Variants in SIPA1L1 observed in about 807,000 individuals in gnomAD.
SIPA1L1 encodes signal-induced proliferation-associated 1-like protein 1.
In SIPA1L1, 26 loss-of-function variants were observed where a neutral mutation model predicts 162.7. The observed-to-expected ratio is 0.16, with a 90% CI of 0.12 to 0.22. SIPA1L1 has a LOEUF of 0.22. Among genes scored for constraint, SIPA1L1 ranks in the 10% least tolerant of loss-of-function variants. The pLI is 1.00. For missense variants in SIPA1L1, 1,874 were observed against 2,241.0 expected (o/e 0.84, Z 3.31); for synonymous variants, 829 against 837.4 (o/e 0.99, Z 0.17).
intron 1 of SIPA1L1, 67 bp downstream of exon 1, chr14:71,320,570 CG>C (rs1212381760): frequency 2.6e-5 from 4 of 152,586 alleles, no homozygotes; most frequent in Non-Finnish European, 4.4e-5. Flanking sequence ...CCCCAGAGGC[CG>C]CCCCCGCAGC....
chr14:71,557,520 T>C (rs1052387738), intron 4 of SIPA1L1, among the ~76,000 whole-genome samples: 32 of 152,216 alleles, frequency 2.1e-4, no homozygotes, highest in Non-Finnish European at 3.4e-4. Flanking sequence ...CTTGCACTAA[T>C]TGTTAACTTT....
At chr14:71,539,913 C>G (rs967766764) in intron 4 of SIPA1L1, among the ~76,000 whole-genome samples, 4 of 152,112 alleles carry the variant, frequency 2.6e-5, no homozygotes, top group Non-Finnish European at 4.4e-5. Context: ...TCAGCAACAC[C>G]CTAAGGGTGA....
At chr14:71,415,798 A>C (rs2042717851) in intron 2 of SIPA1L1, among the ~76,000 whole-genome samples, 1 of 152,086 alleles carries the variant, frequency 6.6e-6, no homozygotes, top group African/African-American at 2.4e-5. Flanking sequence ...CCCAGGTTCA[A>C]GCGATTCTCC....
At chr14:71,695,037 C>T (rs1272748754) in intron 13 of SIPA1L1, among the ~76,000 whole-genome samples, 5 of 152,298 alleles carry the variant, frequency 3.3e-5, no homozygotes, top group African/African-American at 7.2e-5. Flanking sequence ...CTTCCAATAA[C>T]GATCAGCCTC....
intron 4 of SIPA1L1, among the ~76,000 whole-genome samples, chr14:71,563,984 C>T (rs1052726043): frequency 6.6e-6 from 1 of 152,160 alleles, no homozygotes; most frequent in Admixed American, 6.5e-5. Context: ...TGGAGTCTCA[C>T]TCTGTTAGGC....
At chr14:71,670,945 G>C (rs1166135208) in intron 10 of SIPA1L1, among the ~76,000 whole-genome samples, 174 bp from the exon 11 acceptor site, 1 of 152,080 alleles carries the variant, frequency 6.6e-6, no homozygotes, top group African/African-American at 2.4e-5. Flanking sequence ...TCCTAAATGC[G>C]GTAGAATGAA....
At chr14:71,460,654 G>A (rs1373464381) in intron 2 of SIPA1L1, among the ~76,000 whole-genome samples, 3 of 152,154 alleles carry the variant, frequency 2.0e-5, no homozygotes, top group Non-Finnish European at 4.4e-5. Flanking sequence ...TAAGACCCCT[G>A]TGCCAGCAGA....
At chr14:71,684,706 T>G (rs1291961726) in intron 12 of SIPA1L1, among the ~76,000 whole-genome samples, 1 of 149,812 alleles carries the variant, frequency 6.7e-6, no homozygotes, top group Non-Finnish European at 1.5e-5. Flanking sequence ...GTGGCAAGTG[T>G]GTGAAGCTGC....
chr14:71,396,026 C>T (rs910367785), intron 2 of SIPA1L1, among the ~76,000 whole-genome samples: 10 of 152,038 alleles, frequency 6.6e-5, no homozygotes, highest in African/African-American at 1.9e-4. Flanking sequence ...GTCCTGTGCT[C>T]CTTAGAGAAG....
intron 2 of SIPA1L1, among the ~76,000 whole-genome samples, chr14:71,411,716 T>G (rs1291011589): frequency 6.6e-6 from 1 of 152,226 alleles, no homozygotes; most frequent in East Asian, 1.9e-4. Context: ...TTCTGGTGCT[T>G]TGGGGTACGA....
chr14:71,361,389 C>T (rs1044217934), intron 2 of SIPA1L1, among the ~76,000 whole-genome samples: 14 of 152,082 alleles, frequency 9.2e-5, no homozygotes, highest in Non-Finnish European at 1.3e-4. Flanking sequence ...TCATGATATG[C>T]TTAGTGCTTC....
rs2049158970 is a variant in SIPA1L1 at position 71,490,546 on chromosome 14, G to T, written c.-464-22197G>T. Among the ~76,000 whole-genome samples the T allele has an allele frequency of 2.0e-5, 3 of 152,166 alleles. No individual in the cohort carries two copies. The South Asian group carries it at 6.2e-4, about 32-fold the overall frequency. On this transcript the variant is annotated intron_variant, in intron 2 of 23. Transcript: ENST00000381232. ...TAAACTTGTATTTTATTTATAAGAG[G>T]ATGTATTGTCCATGTTATTATAATA...
chr14:71,354,955 G>A (rs2037097495), intron 2 of SIPA1L1, among the ~76,000 whole-genome samples: 1 of 152,118 alleles, frequency 6.6e-6, no homozygotes, highest in African/African-American at 2.4e-5. Flanking sequence ...CCCAGGGCCC[G>A]GGGGTCACTA....
chr14:71,552,042 T>C (rs2055887616), intron 4 of SIPA1L1, among the ~76,000 whole-genome samples: 1 of 152,232 alleles, frequency 6.6e-6, no homozygotes, highest in South Asian at 2.1e-4. Context: ...TTGATTTGCT[T>C]GTTCTCACTC....
chr14:71,502,086 T>C (rs2050265790), intron 2 of SIPA1L1, among the ~76,000 whole-genome samples: 2 of 146,762 alleles, frequency 1.4e-5, no homozygotes, highest in Non-Finnish European at 3.0e-5. Flanking sequence ...TTTTTTTTTT[T>C]CTTCTGTGTG....
intron 2 of SIPA1L1, among the ~76,000 whole-genome samples, chr14:71,447,823 C>T (rs553912204): frequency 6.6e-6 from 1 of 152,206 alleles, no homozygotes; most frequent in East Asian, 1.9e-4. Context: ...CCTGCCTCTG[C>T]CTCCCAAAAT....
chr14:71,725,628 C>G (rs954403880), intron 19 of SIPA1L1, among the ~76,000 whole-genome samples: 1 of 152,164 alleles, frequency 6.6e-6, no homozygotes, highest in South Asian at 2.1e-4. Flanking sequence ...TCACTTAAGG[C>G]TCTCTCCTTT....
At chr14:71,603,335 A>G (rs2037022815) in intron 5 of SIPA1L1, among the ~76,000 whole-genome samples, 1 of 151,912 alleles carries the variant, frequency 6.6e-6, no homozygotes, top group African/African-American at 2.4e-5. Context: ...AATGTAATCT[A>G]TTTACATTCA....
At chr14:71,689,052 C>T (rs1279982990) in intron 13 of SIPA1L1, among the ~76,000 whole-genome samples, 1 of 152,112 alleles carries the variant, frequency 6.6e-6, no homozygotes, top group Non-Finnish European at 1.5e-5. Flanking sequence ...CTTGTAGAAG[C>T]ATAGTTTTTC....
Sources: gnomAD v4.1 joint callset for allele counts (sites outside exome capture counted in the v4.1 genomes callset) on GRCh38, gnomAD v4.1.1 for gene constraint, MANE v1.5 for transcripts, NCBI Gene and HGNC (gene_info 2026-07-23, HGNC 2026-07-21) for gene names.